PLCE1: variants seen among roughly 807,000 people sequenced by gnomAD.
PLCE1 encodes phospholipase C epsilon 1.
PLCE1 carries 119 observed loss-of-function variants against 242.8 expected under a neutral mutation model. That is an observed-to-expected ratio of 0.49 (90% confidence interval 0.42 to 0.57). PLCE1 has a LOEUF of 0.57. Ranked by LOEUF, PLCE1 falls within the 20% of genes least tolerant of loss-of-function variation. The pLI, the probability that PLCE1 is intolerant of heterozygous loss-of-function variation, is 0.00. For synonymous variants in PLCE1, 945 were observed against 1,017.4 expected (o/e 0.93, Z 1.35); for missense variants, 2,441 against 2,788.8 (o/e 0.88, Z 2.81).
At chr10:94,153,281 A>G (rs1277003879) in intron 3 of PLCE1, among the ~76,000 whole-genome samples, 1 of 152,190 alleles carries the variant, frequency 6.6e-6, no homozygotes, top group African/African-American at 2.4e-5. Flanking sequence ...AAATCAATCA[A>G]TGCAATATAT....
chr10:94,226,917 G>A (rs754277910), intron 4 of PLCE1, among the ~76,000 whole-genome samples: 7 of 139,666 alleles, frequency 5.0e-5, no homozygotes, highest in Non-Finnish European at 9.0e-5. Flanking sequence ...TCGGCTCGCT[G>A]CAACCTCTGC....
At chr10:94,171,893 A>T (rs2047992226) in intron 4 of PLCE1, among the ~76,000 whole-genome samples, 1 of 151,888 alleles carries the variant, frequency 6.6e-6, no homozygotes, top group East Asian at 1.9e-4. Context: ...CGTATAACCA[A>T]CCCCCTGACC....
intron 23 of PLCE1, 137 bp downstream of exon 23, chr10:94,293,776 T>G (rs1158146702): frequency 1.5e-5 from 16 of 1,036,414 alleles, no homozygotes; most frequent in Non-Finnish European, 2.0e-5. Context: ...TAGTATAAAT[T>G]TTTGTAATTG....
At chr10:94,048,739 A>G (rs1228583399) in intron 2 of PLCE1, among the ~76,000 whole-genome samples, 4 of 148,464 alleles carry the variant, frequency 2.7e-5, no homozygotes, top group Non-Finnish European at 3.0e-5. Flanking sequence ...ACATATATGT[A>G]TATACACACA....
At chr10:94,019,854 C>T (rs1201971519) in intron 1 of PLCE1, among the ~76,000 whole-genome samples, 1 of 151,992 alleles carries the variant, frequency 6.6e-6, no homozygotes, top group East Asian at 1.9e-4. Context: ...GAAATCATTC[C>T]TTTTATTGCT....
rs570479838 is a variant in PLCE1 at position 94,241,125 on chromosome 10, T to A, written c.2421-4821T>A. 4.1e-4 allele frequency among the ~76,000 whole-genome samples: 63 copies of A among 152,356 alleles called. No individual in the cohort carries two copies. In the Middle Eastern group the frequency reaches 0.01, roughly 25 times the overall value. On this transcript the variant is annotated intron_variant, in intron 7 of 32. Transcript: ENST00000371380. ...CCTGGAAGATTGCTTTTTAATGGAA[T>A]TATTACCATCTGGCATTAGTTCTTT...
chr10:94,267,957 G>T (rs1284127782), intron 16 of PLCE1, among the ~76,000 whole-genome samples: 1 of 152,226 alleles, frequency 6.6e-6, no homozygotes, highest in African/African-American at 2.4e-5. Context: ...GTAATGGATT[G>T]CTGTCACACA....
Position 94,106,945 on chromosome 10 carries a change from C to CTCTCTCTCTCTCTCTCTCTCTCT in PLCE1, c.1207-25229_1207-25228insTCTCTCTCTCTCTCTCTCTCTCT, listed in dbSNP as rs1267521094. ...CTCTCTCTCTCTCTCTCTCTCTCTC[C>CTCTCTCTCTCTCTCTCTCTCTCT]CCCTCCCCTCCCCCCCCCAACACCC... On this transcript the variant is annotated intron_variant, in intron 2 of 32. Transcript: ENST00000371380. 5 of 14,252 alleles carry CTCTCTCTCTCTCTCTCTCTCTCT rather than the reference C, an allele frequency of 3.5e-4. No homozygotes were observed. The East Asian group carries it at 5.8e-3, about 17-fold the overall frequency. 0.9% of individuals were successfully genotyped at this position (14,252 alleles called of 1,614,324 possible).
At chr10:94,317,140 A>G (rs1283161771) in intron 29 of PLCE1, among the ~76,000 whole-genome samples, 2 of 152,132 alleles carry the variant, frequency 1.3e-5, no homozygotes, top group East Asian at 3.9e-4. Flanking sequence ...AATCCCAGCT[A>G]CTCATGAGGG....
intron 1 of PLCE1, among the ~76,000 whole-genome samples, chr10:94,022,468 C>CAT (rs548869880): frequency 1.6e-3 from 244 of 151,522 alleles, no homozygotes; most frequent in African/African-American, 5.6e-3. Flanking sequence ...TTTTTCTTTG[C>CAT]ATATATATAT....
At chr10:94,314,554 A>G (rs552089250) in intron 28 of PLCE1, among the ~76,000 whole-genome samples, 18 of 152,118 alleles carry the variant, frequency 1.2e-4, no homozygotes, top group Non-Finnish European at 2.5e-4. Context: ...AGATAACACC[A>G]TGGCACTCCA....
intron 10 of PLCE1, 121 bp from the exon 11 acceptor site, chr10:94,254,772 A>G (rs2132863258): frequency 2.7e-6 from 3 of 1,092,328 alleles, no homozygotes; most frequent in Admixed American, 3.4e-5. Flanking sequence ...TGCTGCTTGT[A>G]TAGAAACCAG....
intron 2 of PLCE1, among the ~76,000 whole-genome samples, chr10:94,079,762 G>A (rs374989627): frequency 9.8e-5 from 15 of 152,308 alleles, no homozygotes; most frequent in South Asian, 8.3e-4. Flanking sequence ...GCCTGGGGTA[G>A]AGTCCAGGAA....
In PLCE1 at chr10:94,324,350, C is replaced by A. The variant is rs748007890; in HGVS notation, c.6503C>A (p.Thr2168Asn). The part of the protein sequence containing the change: ...VSTAQDVIQQ[T>N]LCKAKYSYSI... ...AGTTGATCATAACTTACCTTTCAGA[C>A]CTTATGCAAAGCCAAATATTCCTAC... The change falls in exon 31 of 33, where the codon ACC becomes AAC. Residue 2168 changes from threonine (T) to asparagine (N), a missense_variant and splice_region_variant. Transcript: ENST00000371380. 9.3e-6 allele frequency: 15 copies of A among 1,611,884 alleles called. No individual in the cohort carries two copies. The highest frequency in any genetic ancestry group is 1.2e-5 in the Non-Finnish European group (14 of 1,178,010).
At chr10:94,051,669 C>T (rs2043770235) in intron 2 of PLCE1, among the ~76,000 whole-genome samples, 1 of 152,180 alleles carries the variant, frequency 6.6e-6, no homozygotes, top group Non-Finnish European at 1.5e-5. Context: ...GGCCTGGATT[C>T]AGAATTGAAA....
intron 3 of PLCE1, chr10:94,139,406 A>C (rs79800915): frequency 6.1e-6 from 1 of 164,844 alleles, no homozygotes; most frequent in African/African-American, 2.4e-5. Flanking sequence ...TCTAAACAGG[A>C]TGAAAGAGAG....
chr10:94,071,743 C>T (rs780053473), intron 2 of PLCE1, among the ~76,000 whole-genome samples: 2 of 151,996 alleles, frequency 1.3e-5, no homozygotes, highest in Non-Finnish European at 2.9e-5. Context: ...AAGTGATTCT[C>T]CCACCTCAGC....
rs80145609 is a variant in PLCE1, at chr10:94,187,822, C to T, written c.1809+16326C>T. Among the ~76,000 whole-genome samples the T allele has an allele frequency of 5.0e-3, 755 of 152,304 alleles. 22 individuals carry two copies. Among genetic ancestry groups the T allele is most frequent in the Admixed American group, 0.041 (625 of 15,286 alleles). ...TCATTCCTTTTCATCACACCTCATA[C>T]TTTGAAAGTTAGACAGACACTAAAG... On this transcript the variant is annotated intron_variant, in intron 4 of 32. Coordinates refer to ENST00000371380, the MANE Select transcript of PLCE1 (RefSeq NM_016341.4).
rs187496714 is a variant in PLCE1 at position 94,136,073 on chromosome 10, A to G, written c.1492+3614A>G. On this transcript the variant is annotated intron_variant, in intron 3 of 32. Coordinates refer to ENST00000371380, the MANE Select transcript of PLCE1 (RefSeq NM_016341.4). ...TAAGTTCAAAAGAATAACCTCTTCC[A>G]TAAGAGAAAACATGTTTGAAGTGAA... 1.3e-4 allele frequency among the ~76,000 whole-genome samples: 20 copies of G among 152,378 alleles called. 1 individual carries two copies. The highest frequency in any genetic ancestry group is 5.2e-4 in the Admixed American group (8 of 15,306).
Sources: gnomAD v4.1 joint callset for allele counts (sites outside exome capture counted in the v4.1 genomes callset) on GRCh38, gnomAD v4.1.1 for gene constraint, MANE v1.5 for transcripts, NCBI Gene and HGNC (gene_info 2026-07-23, HGNC 2026-07-21) for gene names.